The following CSMD1 variants were observed in gnomAD, a reference collection of about 807,000 sequenced individuals.
CSMD1 encodes CUB and Sushi multiple domains 1.
In CSMD1, 213 loss-of-function variants were observed where a neutral mutation model predicts 417.5. The ratio of observed to expected loss-of-function variants is 0.51; its 90% CI spans 0.46 to 0.57. The LOEUF (loss-of-function observed/expected upper bound fraction) is 0.57. CSMD1 is among the 20% of genes least tolerant of loss of function. The pLI is 0.00. For missense variants in CSMD1, 6,923 were observed against 4,529.7 expected, an observed-to-expected ratio of 1.53 and a Z score of -15.17; for synonymous variants, 2,862 against 1,736.8, an observed-to-expected ratio of 1.65 and a Z score of -16.11.
At chr8:4,968,123 T>C (rs1288770583) in intron 1 of CSMD1, among the ~76,000 whole-genome samples, 1 of 152,124 alleles carries the variant, frequency 6.6e-6, no homozygotes, top group Non-Finnish European at 1.5e-5. Context: ...GAAAGAGAAG[T>C]GATTTTTATT....
At chr8:3,943,740 G>A (rs918562498) in intron 5 of CSMD1, among the ~76,000 whole-genome samples, 2 of 151,964 alleles carry the variant, frequency 1.3e-5, no homozygotes, top group Non-Finnish European at 2.9e-5. Context: ...TGAATCACCT[G>A]AATCTAATCA....
chr8:3,786,537 G>T (rs548870036), intron 5 of CSMD1, among the ~76,000 whole-genome samples: 1 of 152,172 alleles, frequency 6.6e-6, no homozygotes, highest in African/African-American at 2.4e-5. Context: ...CACAGCTCCC[G>T]AGTAATCATG....
chr8:3,999,313 A>C (rs1247972884), intron 4 of CSMD1, among the ~76,000 whole-genome samples: 1 of 152,146 alleles, frequency 6.6e-6, no homozygotes, highest in African/African-American at 2.4e-5. Context: ...GACCGGCCTG[A>C]GCTCTTACAA....
At chr8:3,241,240 TA>T (rs1563176045) in intron 26 of CSMD1, among the ~76,000 whole-genome samples, 4 of 148,240 alleles carry the variant, frequency 2.7e-5, no homozygotes, top group Non-Finnish European at 4.5e-5. Context: ...CTTAAAAGAG[TA>T]TTGTCTAAGC....
intron 3 of CSMD1, among the ~76,000 whole-genome samples, chr8:4,194,346 A>G (rs1423462705): frequency 6.6e-6 from 1 of 152,182 alleles, no homozygotes; most frequent in Non-Finnish European, 1.5e-5. Context: ...AGAAAACCAC[A>G]GACCTAATTT....
At chr8:3,307,857 T>A in intron 24 of CSMD1, 36 bp from the exon 25 acceptor site, 1 of 1,600,614 alleles carries the variant, frequency 6.2e-7, no homozygotes, top group Non-Finnish European at 8.5e-7. Flanking sequence ...ACGTTCAGCT[T>A]CAGGCATCAC....
At chr8:3,317,683 G>T (rs1465897892) in intron 23 of CSMD1, among the ~76,000 whole-genome samples, 1 of 152,120 alleles carries the variant, frequency 6.6e-6, no homozygotes, top group South Asian at 2.1e-4. Flanking sequence ...TTAATACTAC[G>T]TTTATTTGGT....
At chr8:4,565,740 AAATATATACATATATATAT>A (rs1798566947) in intron 2 of CSMD1, among the ~76,000 whole-genome samples, 1 of 117,408 alleles carries the variant, frequency 8.5e-6, no homozygotes, top group Non-Finnish European at 1.7e-5. Flanking sequence ...ACCTTAAAAA[AAATATATACATATATATAT>A]ATATATATAT....
intron 3 of CSMD1, among the ~76,000 whole-genome samples, chr8:4,166,816 T>A (rs1173092792): frequency 6.6e-6 from 1 of 152,174 alleles, no homozygotes; most frequent in Non-Finnish European, 1.5e-5. Flanking sequence ...TGAGACAATA[T>A]TTTACACTAC....
At chr8:3,948,429 T>C (rs188851037) in intron 5 of CSMD1, among the ~76,000 whole-genome samples, 6 of 152,200 alleles carry the variant, frequency 3.9e-5, no homozygotes, top group Admixed American at 2.6e-4. Context: ...GGAAAGACGT[T>C]AGGTTTTGTG....
chr8:3,292,649 C>A (rs1803665672), intron 25 of CSMD1, among the ~76,000 whole-genome samples: 1 of 152,090 alleles, frequency 6.6e-6, no homozygotes, highest in Non-Finnish European at 1.5e-5. Context: ...AGGATGGCAA[C>A]CCCTGCCTTT....
intron 6 of CSMD1, among the ~76,000 whole-genome samples, chr8:3,732,318 AG>A (rs1237385486): frequency 6.6e-6 from 1 of 152,204 alleles, no homozygotes; most frequent in Non-Finnish European, 1.5e-5. Flanking sequence ...ATTTTGATCA[AG>A]TCATTTAACC....
At chr8:3,437,817 G>C (rs557120847) in intron 12 of CSMD1, among the ~76,000 whole-genome samples, 3 of 151,070 alleles carry the variant, frequency 2.0e-5, no homozygotes, top group Non-Finnish European at 4.4e-5. Flanking sequence ...GCACAATCTC[G>C]GCTCACTGCA....
intron 5 of CSMD1, among the ~76,000 whole-genome samples, chr8:3,756,483 T>C (rs1797665888): frequency 6.6e-6 from 1 of 152,058 alleles, no homozygotes; most frequent in South Asian, 2.1e-4. Flanking sequence ...CACATAGATA[T>C]ACACTGAAAT....
At chr8:4,573,342 C>G (rs7012116) in intron 2 of CSMD1, among the ~76,000 whole-genome samples, 2 of 151,880 alleles carry the variant, frequency 1.3e-5, no homozygotes, top group Non-Finnish European at 2.9e-5. Flanking sequence ...CGCTATTCCT[C>G]TCTGCTTGTT....
At chr8:4,414,083 C>G (rs945416952) in intron 3 of CSMD1, among the ~76,000 whole-genome samples, 5 of 152,146 alleles carry the variant, frequency 3.3e-5, no homozygotes, top group South Asian at 2.1e-4. Flanking sequence ...ATGCTCCATG[C>G]TTTAATTCAG....
intron 26 of CSMD1, among the ~76,000 whole-genome samples, chr8:3,241,498 A>C (rs1203869851): frequency 1.3e-5 from 2 of 152,178 alleles, no homozygotes; most frequent in African/African-American, 4.8e-5. Flanking sequence ...TAAGCCGAGA[A>C]GATCTGGGAA....
At chr8:4,416,285 C>G (rs899429552) in intron 3 of CSMD1, among the ~76,000 whole-genome samples, 1 of 152,056 alleles carries the variant, frequency 6.6e-6, no homozygotes, top group African/African-American at 2.4e-5. Context: ...ATAAAGAATA[C>G]AATTAACTTC....
chr8:3,009,756 G>A (rs1404571536), intron 52 of CSMD1, among the ~76,000 whole-genome samples: 1 of 152,148 alleles, frequency 6.6e-6, no homozygotes, highest in Non-Finnish European at 1.5e-5. Context: ...TGTCCAACAT[G>A]GAGGTATTGG....
Sources: gnomAD v4.1 joint callset for allele counts (sites outside exome capture counted in the v4.1 genomes callset) on GRCh38, gnomAD v4.1.1 for gene constraint, MANE v1.5 for transcripts, NCBI Gene and HGNC (gene_info 2026-07-23, HGNC 2026-07-21) for gene names.